The following CDH1 variants were observed in gnomAD, a reference collection of about 807,000 sequenced individuals.
CDH1 encodes the protein cadherin-1.
A neutral mutation model predicts 84.5 loss-of-function variants in CDH1; 35 were observed. The observed-to-expected ratio is 0.41, with a 90% CI of 0.32 to 0.55. CDH1 has a LOEUF of 0.55. Ranked by LOEUF, CDH1 falls within the 20% of genes least tolerant of loss-of-function variation. CDH1 has a pLI of 0.19. For missense variants in CDH1, 994 were observed against 1,126.6 expected (o/e 0.88, Z 1.68); for synonymous variants, 417 against 439.0 (o/e 0.95, Z 0.63).
At chr16:68,829,438 A>C (rs1198685353) in intron 14 of CDH1, among the ~76,000 whole-genome samples, 1 of 152,208 alleles carries the variant, frequency 6.6e-6, no homozygotes, top group East Asian at 1.9e-4. Flanking sequence ...ATCTGGATCC[A>C]CACATGCTAC....
chr16:68,786,526 T>TTTTTTC (rs1960050791), intron 2 of CDH1, among the ~76,000 whole-genome samples: 1 of 111,810 alleles, frequency 8.9e-6, no homozygotes, highest in African/African-American at 3.5e-5. Context: ...CTTTCTTTTT[T>TTTTTTC]TTTTTTTCTT....
intron 2 of CDH1, among the ~76,000 whole-genome samples, chr16:68,790,217 C>A (rs540329789): frequency 1.1e-4 from 17 of 152,278 alleles, no homozygotes; most frequent in Admixed American, 2.6e-4. Context: ...TGTTCTCCCA[C>A]ATCTCAGGCC....
intron 11 of CDH1, 89 bp from the exon 12 acceptor site, chr16:68,821,912 A>G: frequency 9.6e-7 from 1 of 1,045,740 alleles, no homozygotes; most frequent in Non-Finnish European, 1.5e-6. Flanking sequence ...CTGAAGAGCC[A>G]GGACAAGATC....
chr16:68,783,428 AGTTT>A (rs1054888976), intron 2 of CDH1, among the ~76,000 whole-genome samples: 1 of 151,894 alleles, frequency 6.6e-6, no homozygotes, highest in African/African-American at 2.4e-5. Context: ...AAGAAAAAAA[AGTTT>A]GTTTATGTGA....
intron 2 of CDH1, among the ~76,000 whole-genome samples, chr16:68,768,160 G>A (rs1196888199): frequency 6.6e-6 from 1 of 152,124 alleles, no homozygotes; most frequent in Non-Finnish European, 1.5e-5. Flanking sequence ...TGATCAGGCT[G>A]GTCTCGAAGT....
intron 2 of CDH1, among the ~76,000 whole-genome samples, chr16:68,746,277 C>T (rs1275862477): frequency 6.6e-6 from 1 of 151,988 alleles, no homozygotes; most frequent in Non-Finnish European, 1.5e-5. Context: ...TTCAAAAATT[C>T]AGCTGGGCGT....
chr16:68,780,199 A>G (rs1959837171), intron 2 of CDH1, among the ~76,000 whole-genome samples: 1 of 152,084 alleles, frequency 6.6e-6, no homozygotes, highest in Non-Finnish European at 1.5e-5. Flanking sequence ...TCTCAGCTAA[A>G]ACTGCCTTTG....
At chr16:68,802,927 G>A (rs771289781) in intron 3 of CDH1, among the ~76,000 whole-genome samples, 7 of 152,128 alleles carry the variant, frequency 4.6e-5, no homozygotes, top group Non-Finnish European at 1.0e-4. Context: ...CCTTAGGTCT[G>A]GCCCATACCA....
intron 2 of CDH1, among the ~76,000 whole-genome samples, chr16:68,765,896 C>G (rs763177145): frequency 6.6e-6 from 1 of 151,980 alleles, no homozygotes; most frequent in East Asian, 1.9e-4. Flanking sequence ...GATTGGGAAC[C>G]CTTCACTTAC....
At chr16:68,748,401 C>T (rs1263089424) in intron 2 of CDH1, among the ~76,000 whole-genome samples, 1 of 152,108 alleles carries the variant, frequency 6.6e-6, no homozygotes, top group East Asian at 1.9e-4. Flanking sequence ...CCACCATGTC[C>T]GGCCATTTTA....
At chr16:68,745,245 G>A (rs780319413) in intron 2 of CDH1, among the ~76,000 whole-genome samples, 41 of 151,514 alleles carry the variant, frequency 2.7e-4, no homozygotes, top group Non-Finnish European at 4.6e-4. Context: ...GCTTTGGGAG[G>A]CCAAGGCCGC....
At chr16:68,808,214 G>T (rs111858802) in intron 3 of CDH1, among the ~76,000 whole-genome samples, 4 of 152,182 alleles carry the variant, frequency 2.6e-5, no homozygotes, top group African/African-American at 9.6e-5. Flanking sequence ...CAGTCTTTAC[G>T]ATATAGCAAA....
Position 68,822,855 on chromosome 16 carries a change from G to A in CDH1, c.1937-544G>A, listed in dbSNP as rs181878715. 661 of 232,150 alleles carry A rather than the reference G, an allele frequency of 2.8e-3. 20 individuals are homozygous for A. In the Admixed American group the frequency reaches 0.032, roughly 11 times the overall value. 14.4% of individuals were successfully genotyped at this position (232,150 alleles called of 1,614,324 possible). A position where few individuals can be genotyped will look rare whatever the true frequency, so the allele number is the denominator to read the frequency against. ...CAGAAGCCATGTAAAGATGAATGGG[G>A]TAAAACCCTGGGTGCGATGGAAGTC... On this transcript the variant is annotated intron_variant, in intron 12 of 15. Coordinates refer to ENST00000261769, the MANE Select transcript of CDH1 (RefSeq NM_004360.5).
intron 2 of CDH1, among the ~76,000 whole-genome samples, chr16:68,782,058 G>T (rs7185490): frequency 6.6e-6 from 1 of 152,178 alleles, no homozygotes; most frequent in African/African-American, 2.4e-5. Context: ...GGCAGCTGCT[G>T]TTCCCCATGG....
intron 2 of CDH1, among the ~76,000 whole-genome samples, chr16:68,762,394 G>T (rs182689606): frequency 3.3e-5 from 5 of 152,294 alleles, no homozygotes; most frequent in Non-Finnish European, 5.9e-5. Context: ...CCAGCATTAA[G>T]CCTGGCATGT....
chr16:68,748,604 A>T (rs1962809403), intron 2 of CDH1, among the ~76,000 whole-genome samples: 1 of 152,008 alleles, frequency 6.6e-6, no homozygotes, highest in Admixed American at 6.6e-5. Flanking sequence ...TGGGATATAC[A>T]TTTTTTTTCT....
chr16:68,813,167 T>C (rs1054006047), intron 8 of CDH1, 146 bp from the exon 9 acceptor site: 9 of 814,588 alleles, frequency 1.1e-5, no homozygotes, highest in African/African-American at 1.7e-5. Context: ...CAGTGAGCCA[T>C]GATCGCTCAA....
chr16:68,740,086 C>A (rs938475874), intron 2 of CDH1, among the ~76,000 whole-genome samples: 2 of 151,436 alleles, frequency 1.3e-5, no homozygotes, highest in Non-Finnish European at 2.9e-5. Flanking sequence ...TCTGGTTTCA[C>A]TGAATCCCAA....
At chr16:68,741,838 C>G (rs765176633) in intron 2 of CDH1, among the ~76,000 whole-genome samples, 1 of 152,070 alleles carries the variant, frequency 6.6e-6, no homozygotes, top group Non-Finnish European at 1.5e-5. Flanking sequence ...TGCCACCATG[C>G]CTTTGTATTT....
Sources: gnomAD v4.1 joint callset for allele counts (sites outside exome capture counted in the v4.1 genomes callset) on GRCh38, gnomAD v4.1.1 for gene constraint, MANE v1.5 for transcripts, NCBI Gene and HGNC (gene_info 2026-07-23, HGNC 2026-07-21) for gene names.